UTRN: variants seen among roughly 807,000 people sequenced by gnomAD.
UTRN encodes the protein utrophin.
In UTRN, 283 loss-of-function variants were observed where a neutral mutation model predicts 463.9. The ratio of observed to expected loss-of-function variants is 0.61; its 90% confidence interval spans 0.55 to 0.67. UTRN has a LOEUF of 0.67. Ranked by LOEUF, UTRN falls within the 30% of genes least tolerant of loss-of-function variation. UTRN has a pLI of 0.00. For synonymous variants in UTRN, 1,442 were observed against 1,431.5 expected (o/e 1.01, Z -0.17); for missense variants, 3,922 against 4,084.3 (o/e 0.96, Z 1.08).
At chr6:144,444,435 CT>C in intron 14 of UTRN, 53 bp downstream of exon 14, 1 of 1,380,372 alleles carries the variant, frequency 7.2e-7, no homozygotes, top group Non-Finnish European at 9.9e-7. Flanking sequence ...AGTAACCCAT[CT>C]TTTATTGTGA....
At chr6:144,402,695 G>A (rs981843656) in intron 2 of UTRN, among the ~76,000 whole-genome samples, 1 of 152,118 alleles carries the variant, frequency 6.6e-6, no homozygotes, top group East Asian at 1.9e-4. Context: ...AGGAAGTCAC[G>A]AATTCCTGAG....
At chr6:144,310,959 G>A (rs1469024494) in intron 2 of UTRN, among the ~76,000 whole-genome samples, 2 of 152,228 alleles carry the variant, frequency 1.3e-5, no homozygotes, top group Non-Finnish European at 2.9e-5. Flanking sequence ...GTCATGAAAT[G>A]AGCAGACTGA....
chr6:144,315,964 CCT>C (rs1775261419), intron 2 of UTRN, among the ~76,000 whole-genome samples: 2 of 152,152 alleles, frequency 1.3e-5, no homozygotes, highest in Non-Finnish European at 2.9e-5. Flanking sequence ...CTGTACACTC[CCT>C]CTTTCAAAAT....
chr6:144,643,268 G>T (rs999356501), intron 51 of UTRN, among the ~76,000 whole-genome samples: 19 of 152,222 alleles, frequency 1.2e-4, no homozygotes, highest in Middle Eastern at 6.8e-3. Context: ...GAAGTTGGTA[G>T]GGGGGACTTT....
chr6:144,456,663 A>AATAATC (rs1788854802), intron 19 of UTRN, among the ~76,000 whole-genome samples: 1 of 99,732 alleles, frequency 1.0e-5, no homozygotes, highest in Non-Finnish European at 2.1e-5. Context: ...AAATAATAAT[A>AATAATC]ATAATAATAA....
chr6:144,818,894 T>G (rs79248226), intron 65 of UTRN, among the ~76,000 whole-genome samples: 4,581 of 151,126 alleles, frequency 0.03, 226 homozygotes, highest in African/African-American at 0.1. Context: ...AATCTGTTGT[T>G]TTTTTTTTTT....
At position 144,401,515 on chromosome 6, in the gene UTRN, C is replaced by T. The variant is rs1472710692; in HGVS notation, c.80-1608C>T. 2.6e-5 allele frequency among the ~76,000 whole-genome samples: 4 copies of T among 152,132 alleles called. No homozygotes were observed. The South Asian group carries it at 6.2e-4, about 24-fold the overall frequency. On this transcript the variant is annotated intron_variant, in intron 2 of 74. Transcript: ENST00000367545. ...ATAATATAAAGCTTGAAATAGGGAT[C>T]GTTGCTGTCTTTGCTGTCCTTTCTT... is the stretch of plus-strand genomic sequence containing the variant.
At position 144,291,818 on chromosome 6, in the gene UTRN, A is replaced by G. The variant is rs778177386; in HGVS notation, c.-11A>G. 2.6e-5 allele frequency: 42 copies of G among 1,609,902 alleles called. No homozygotes were observed. The highest frequency in any genetic ancestry group is 3.6e-5 in the Non-Finnish European group (42 of 1,178,580). ...GGTAAAGTTTTTGGATTATCTTGAA[A>G]CTCTGGCAAGATGGCCAAGTATGGA... On this transcript the variant is annotated 5_prime_UTR_variant, in exon 2 of 75. Transcript: ENST00000367545.
chr6:144,344,356 C>A, intron 2 of UTRN: 2 of 1,303,200 alleles, frequency 1.5e-6, no homozygotes, highest in Non-Finnish European at 1.0e-6. Flanking sequence ...TCTTAAGAAA[C>A]GTCTATGAAG....
chr6:144,344,090 CA>C (rs34356247), intron 2 of UTRN: 120,689 of 835,196 alleles, frequency 0.14, 3 homozygotes, highest in South Asian at 0.17. Context: ...TAAAAGCCAC[CA>C]AAAAAAAAAA....
In UTRN at chr6:144,527,190, G is replaced by A. The variant is rs1274273073; in HGVS notation, c.5907-3862G>A. ...TCCTTTTAGCAATTCTTGTAGTGCTGGCTTAATAGCAGCAAATTCTCTCAG... is the reference window on the plus strand; with the variant it reads ...TCCTTTTAGCAATTCTTGTAGTGCTAGCTTAATAGCAGCAAATTCTCTCAG... On this transcript the variant is annotated intron_variant, in intron 41 of 74. Transcript: ENST00000367545. Among the ~76,000 whole-genome samples the A allele has an allele frequency of 2.6e-5, 4 of 152,122 alleles. No homozygotes were observed. In the East Asian group the frequency reaches 7.7e-4, roughly 29 times the overall value.
chr6:144,638,296 A>G (rs763787165), intron 51 of UTRN, among the ~76,000 whole-genome samples: 4 of 152,234 alleles, frequency 2.6e-5, no homozygotes, highest in Admixed American at 2.0e-4. Context: ...AGCATCTGTC[A>G]TCCTTGTTGA....
intron 41 of UTRN, among the ~76,000 whole-genome samples, chr6:144,530,086 G>T (rs1796903336): frequency 6.6e-6 from 1 of 152,156 alleles, no homozygotes; most frequent in African/African-American, 2.4e-5. Flanking sequence ...GGGACCCTCA[G>T]GACCAGTCAT....
chr6:144,357,601 G>C (rs1373842831), intron 2 of UTRN, among the ~76,000 whole-genome samples: 1 of 152,084 alleles, frequency 6.6e-6, no homozygotes, highest in African/African-American at 2.4e-5. Flanking sequence ...TCATCCTCAA[G>C]TCTACAAGAA....
chr6:144,623,106 C>T (rs1775596402), intron 51 of UTRN, among the ~76,000 whole-genome samples: 1 of 152,192 alleles, frequency 6.6e-6, no homozygotes. Flanking sequence ...TAAGTAGTAG[C>T]TCTGTAAATA....
At chr6:144,827,576 G>A (rs1586741653) in intron 67 of UTRN, 35 bp from the exon 68 acceptor site, 3 of 1,611,176 alleles carry the variant, frequency 1.9e-6, no homozygotes, top group East Asian at 4.5e-5. Context: ...CAATATTTGG[G>A]CATAAAATTA....
At chr6:144,597,989 A>G (rs532434634) in intron 51 of UTRN, among the ~76,000 whole-genome samples, 1 of 152,348 alleles carries the variant, frequency 6.6e-6, no homozygotes, top group African/African-American at 2.4e-5. Context: ...AGGAATTACA[A>G]TGTTTGAAAC....
At chr6:144,414,602 A>G (rs1396058990) in intron 3 of UTRN, among the ~76,000 whole-genome samples, 2 of 152,194 alleles carry the variant, frequency 1.3e-5, no homozygotes, top group African/African-American at 4.8e-5. Context: ...TAAGGTCAAC[A>G]GTAGTATACA....
In UTRN at chr6:144,578,624, C is replaced by T. The variant is rs567290389; in HGVS notation, c.7479+1336C>T. 4.1e-4 allele frequency among the ~76,000 whole-genome samples: 63 copies of T among 152,252 alleles called. 1 individual carries two copies. In the South Asian group the frequency reaches 8.5e-3, roughly 21 times the overall value. On this transcript the variant is annotated intron_variant, in intron 51 of 74. Transcript: ENST00000367545. ...TGCTGGGATTACAGGCCTGAGCCAC[C>T]GTGCCTGGCCTCCATTGTCTTTTGA...
Sources: gnomAD v4.1 joint callset for allele counts (sites outside exome capture counted in the v4.1 genomes callset) on GRCh38, gnomAD v4.1.1 for gene constraint, MANE v1.5 for transcripts, NCBI Gene and HGNC (gene_info 2026-07-23, HGNC 2026-07-21) for gene names.